The following SP110 variants were observed in gnomAD, a reference collection of about 807,000 sequenced individuals.
The protein encoded by SP110 is SP110 nuclear body protein.
In SP110, 62 loss-of-function variants were observed where a neutral mutation model predicts 92.7. The ratio of observed to expected loss-of-function variants is 0.67; its 90% confidence interval spans 0.55 to 0.83. The LOEUF (loss-of-function observed/expected upper bound fraction) is 0.83, where lower values mean the gene tolerates loss of function less well. SP110 is among the 40% of genes least tolerant of loss of function. SP110 has a pLI of 0.00. For missense variants in SP110, 793 were observed against 863.9 expected, an observed-to-expected ratio of 0.92 and a Z score of 1.03; for synonymous variants, 273 against 305.3, an observed-to-expected ratio of 0.89 and a Z score of 1.10.
upstream of SP110, chr2:230,221,621 C>T: frequency 7.7e-7 from 1 of 1,294,950 alleles, no homozygotes; most frequent in Non-Finnish European, 1.1e-6. Flanking sequence ...CCTCAGCATG[C>T]AGTAACATAC....
At chr2:230,183,454 G>A (rs887481713) in intron 12 of SP110, 118 bp downstream of exon 12, 26 of 793,912 alleles carry the variant, frequency 3.3e-5, no homozygotes, top group African/African-American at 5.1e-5. Context: ...ACCCATGACG[G>A]TGGAGAACAA....
At chr2:230,178,125 G>T in intron 13 of SP110, 32 bp downstream of exon 13, 1 of 1,333,356 alleles carries the variant, frequency 7.5e-7, no homozygotes, top group Non-Finnish European at 1.1e-6. Context: ...TTCATCTAGG[G>T]ATTCCAAAGA....
chr2:230,214,881 T>A, intron 3 of SP110, 69 bp downstream of exon 3: 1 of 1,332,960 alleles, frequency 7.5e-7, no homozygotes. Flanking sequence ...TCCACAGGGC[T>A]AGAAGTAAAC....
At chr2:230,183,755 A>G (rs2042232655) in intron 11 of SP110, 115 bp from the exon 12 acceptor site, 4 of 762,502 alleles carry the variant, frequency 5.2e-6, no homozygotes, top group Non-Finnish European at 9.4e-6. Flanking sequence ...GAGACAAGTT[A>G]CATATGAGTC....
Position 230,212,930 on chromosome 2 carries a change from C to T in SP110, c.414G>A (p.Ala138=), listed in dbSNP as rs570329901. 2.5e-5 allele frequency: 41 copies of T among 1,613,934 alleles called. No homozygotes were observed. In the East Asian group the frequency reaches 4.2e-4, roughly 17 times the overall value. ...AEGSSLHTPL[A]LPPPQPPQPS... Reference sequence around the variant, plus strand: ...GTTGAGGGGGTTGTGGTGGGGGCAGCGCCAGTGGGGTATGGAGGGAGCTTC... The same window carrying T: ...GTTGAGGGGGTTGTGGTGGGGGCAGTGCCAGTGGGGTATGGAGGGAGCTTC... The change falls in exon 4 of 19, where the codon GCG becomes GCA. Residue 138 remains alanine (A), a synonymous_variant. Coordinates refer to ENST00000258381, the MANE Select transcript of SP110 (RefSeq NM_080424.4).
At chr2:230,189,157 T>A (rs947556768) in intron 10 of SP110, among the ~76,000 whole-genome samples, 6 of 152,172 alleles carry the variant, frequency 3.9e-5, no homozygotes, top group Non-Finnish European at 8.8e-5. Flanking sequence ...AAGAACCAGC[T>A]TTTTGTTTAA....
upstream of SP110, among the ~76,000 whole-genome samples, chr2:230,221,524 G>C (rs954983871): frequency 6.6e-6 from 1 of 152,138 alleles, no homozygotes; most frequent in South Asian, 2.1e-4. Context: ...CCGGCCTTGC[G>C]GGTAATGGCT....
chr2:230,171,541 T>G, intron 17 of SP110, 155 bp downstream of exon 17: 1 of 700,780 alleles, frequency 1.4e-6, no homozygotes. Flanking sequence ...CTCTCCAGAG[T>G]GTGCAGCAAA....
chr2:230,191,680 T>A (rs557074521), intron 10 of SP110, among the ~76,000 whole-genome samples: 1 of 152,302 alleles, frequency 6.6e-6, no homozygotes, highest in Admixed American at 6.5e-5. Flanking sequence ...CCAGATGGAT[T>A]CACAGCTGAT....
intron 10 of SP110, among the ~76,000 whole-genome samples, chr2:230,189,908 G>C (rs1460995997): frequency 6.6e-6 from 1 of 152,164 alleles, no homozygotes; most frequent in African/African-American, 2.4e-5. Flanking sequence ...GTTCCATGAT[G>C]TATATGTACC....
At chr2:230,195,524 T>A (rs1286177907) in intron 10 of SP110, among the ~76,000 whole-genome samples, 2 of 152,092 alleles carry the variant, frequency 1.3e-5, no homozygotes, top group African/African-American at 2.4e-5. Context: ...GAGACGGGGT[T>A]TCACCATGTT....
intron 2 of SP110, among the ~76,000 whole-genome samples, chr2:230,215,436 G>T (rs1179054598): frequency 1.3e-5 from 2 of 152,226 alleles, no homozygotes; most frequent in African/African-American, 2.4e-5. Context: ...GTTAAAGGAT[G>T]CTACTATGTA....
At chr2:230,183,884 C>T (rs142537017) in intron 11 of SP110, among the ~76,000 whole-genome samples, 1 of 152,340 alleles carries the variant, frequency 6.6e-6, no homozygotes, top group African/African-American at 2.4e-5. Context: ...TATGTCAATA[C>T]ATTTACTACA....
chr2:230,199,081 A>G (rs2043007074), intron 10 of SP110, among the ~76,000 whole-genome samples: 1 of 151,460 alleles, frequency 6.6e-6, no homozygotes, highest in African/African-American at 2.4e-5. Flanking sequence ...AGGACCCTAC[A>G]GTGTATGACA....
chr2:230,170,270 A>C (rs1363613610), intron 18 of SP110, among the ~76,000 whole-genome samples: 1 of 152,104 alleles, frequency 6.6e-6, no homozygotes, highest in African/African-American at 2.4e-5. Flanking sequence ...TTATTTTCAT[A>C]TTTCTGAGGC....
chr2:230,201,109 A>T, intron 9 of SP110, 144 bp from the exon 10 acceptor site: 2 of 732,282 alleles, frequency 2.7e-6, no homozygotes, highest in South Asian at 2.9e-5. Context: ...CTACCAAGAG[A>T]TTTGGTGCTG....
intron 8 of SP110, among the ~76,000 whole-genome samples, chr2:230,207,228 C>T (rs2043966865): frequency 6.6e-6 from 1 of 152,136 alleles, no homozygotes; most frequent in Admixed American, 6.6e-5. Flanking sequence ...TTCTACATCC[C>T]TTATACATGA....
intron 14 of SP110, among the ~76,000 whole-genome samples, chr2:230,176,118 A>G (rs1214144463): frequency 6.6e-6 from 1 of 151,496 alleles, no homozygotes; most frequent in African/African-American, 2.4e-5. Context: ...TAATTTTTGT[A>G]TGTTTTGTAA....
At chr2:230,187,850 T>C (rs1559148849) in intron 10 of SP110, among the ~76,000 whole-genome samples, 1 of 152,230 alleles carries the variant, frequency 6.6e-6, no homozygotes, top group Non-Finnish European at 1.5e-5. Flanking sequence ...CATTGGTCGA[T>C]GTATCTACTT....
Sources: allele counts gnomAD v4.1 joint callset (sites outside exome capture counted in the v4.1 genomes callset), GRCh38; gene constraint gnomAD v4.1.1; transcripts MANE v1.5; gene names NCBI Gene and HGNC (gene_info 2026-07-23, HGNC 2026-07-21).